RAI14: variants seen among roughly 807,000 people sequenced by gnomAD.
The protein encoded by RAI14 is ankycorbin.
Under a neutral mutation model 115.4 loss-of-function variants are expected in RAI14, and 45 were observed. The observed-to-expected ratio is 0.39, with a 90% CI of 0.31 to 0.50. The LOEUF is 0.50. RAI14 is among the 20% of genes least tolerant of loss of function. RAI14 has a pLI of 0.85. For synonymous variants in RAI14, 371 were observed against 415.4 expected (o/e 0.89, Z 1.30); for missense variants, 939 against 1,131.2 (o/e 0.83, Z 2.44).
chr5:34,811,152 C>T (rs1755537999), intron 8 of RAI14, 34 bp downstream of exon 8: 2 of 1,590,188 alleles, frequency 1.3e-6, no homozygotes, highest in South Asian at 2.2e-5. Flanking sequence ...CATGTGACTT[C>T]AGTGATACCC....
intron 3 of RAI14, among the ~76,000 whole-genome samples, chr5:34,769,285 A>G (rs1227596416): frequency 6.6e-6 from 1 of 152,094 alleles, no homozygotes; most frequent in Non-Finnish European, 1.5e-5. Context: ...TTTTGAAATC[A>G]CTGAAAGCCG....
intron 2 of RAI14, among the ~76,000 whole-genome samples, chr5:34,697,206 G>T (rs1320253958): frequency 1.3e-5 from 2 of 152,094 alleles, no homozygotes; most frequent in African/African-American, 4.8e-5. Context: ...GGAGGCCGAG[G>T]TGGGTGGATC....
chr5:34,715,142 G>A (rs1425322405), intron 2 of RAI14, among the ~76,000 whole-genome samples: 1 of 152,158 alleles, frequency 6.6e-6, no homozygotes, highest in Non-Finnish European at 1.5e-5. Flanking sequence ...GCGTGTGAGG[G>A]GGTTTGGGGC....
At chr5:34,662,474 A>G (rs1742765613) in intron 1 of RAI14, among the ~76,000 whole-genome samples, 1 of 152,172 alleles carries the variant, frequency 6.6e-6, no homozygotes, top group South Asian at 2.1e-4. Context: ...TTATATGGTG[A>G]TAGGGAAAAG....
At chr5:34,664,586 G>C (rs1045226470) in intron 1 of RAI14, among the ~76,000 whole-genome samples, 1 of 151,818 alleles carries the variant, frequency 6.6e-6, no homozygotes, top group Non-Finnish European at 1.5e-5. Context: ...GTTTTCTTAT[G>C]ATCTAGATAA....
At chr5:34,762,388 G>A (rs1050160189) in intron 3 of RAI14, among the ~76,000 whole-genome samples, 1 of 152,138 alleles carries the variant, frequency 6.6e-6, no homozygotes, top group Non-Finnish European at 1.5e-5. Context: ...TTCTCCAGAA[G>A]CCTCCATAAC....
chr5:34,708,219 T>TTTA (rs1740950994), intron 2 of RAI14, among the ~76,000 whole-genome samples: 2 of 151,798 alleles, frequency 1.3e-5, no homozygotes, highest in Admixed American at 6.6e-5. Context: ...TTTTTTTTTT[T>TTTA]GAGACCGAGT....
chr5:34,746,126 G>A (rs1746186542), intron 2 of RAI14, among the ~76,000 whole-genome samples: 1 of 70,284 alleles, frequency 1.4e-5, no homozygotes, highest in South Asian at 4.8e-4. Context: ...GTTTTTTTGA[G>A]ATGGAATCTC....
At chr5:34,798,326 A>C (rs1027184225) in intron 4 of RAI14, among the ~76,000 whole-genome samples, 16 of 147,782 alleles carry the variant, frequency 1.1e-4, no homozygotes, top group Admixed American at 2.0e-4. Context: ...GGCGTGAGCC[A>C]CCAAGCCCGG....
chr5:34,776,124 G>A (rs552946205), intron 3 of RAI14, among the ~76,000 whole-genome samples: 1 of 152,146 alleles, frequency 6.6e-6, no homozygotes, highest in Non-Finnish European at 1.5e-5. Context: ...TTGCAACAAC[G>A]TGGTTGGAAC....
At chr5:34,744,405 G>T (rs377501881) in intron 2 of RAI14, among the ~76,000 whole-genome samples, 1 of 152,038 alleles carries the variant, frequency 6.6e-6, no homozygotes, top group African/African-American at 2.4e-5. Context: ...TTTTCTTTAG[G>T]TGTGGTTCCT....
intron 2 of RAI14, among the ~76,000 whole-genome samples, chr5:34,691,894 T>C (rs1281217023): frequency 2.0e-5 from 3 of 152,102 alleles, no homozygotes; most frequent in Non-Finnish European, 2.9e-5. Flanking sequence ...GCCAAGGAAA[T>C]GCACACACCC....
At chr5:34,750,462 G>A (rs1031479404) in intron 2 of RAI14, among the ~76,000 whole-genome samples, 9 of 152,046 alleles carry the variant, frequency 5.9e-5, no homozygotes, top group South Asian at 4.2e-4. Flanking sequence ...AGATTTTGGC[G>A]CCACTCTGCC....
At chr5:34,804,227 G>A (rs886687054) in intron 5 of RAI14, among the ~76,000 whole-genome samples, 1 of 152,238 alleles carries the variant, frequency 6.6e-6, no homozygotes, top group Admixed American at 6.5e-5. Flanking sequence ...TATGTAACTT[G>A]ATGAGCTTCA....
chr5:34,709,922 A>G (rs761528240), intron 2 of RAI14, among the ~76,000 whole-genome samples: 1 of 152,216 alleles, frequency 6.6e-6, no homozygotes, highest in Non-Finnish European at 1.5e-5. Context: ...TTTTCAAACC[A>G]TCCCGAAGAA....
chr5:34,724,383 C>G (rs1398337474), intron 2 of RAI14, among the ~76,000 whole-genome samples: 2 of 152,066 alleles, frequency 1.3e-5, no homozygotes, highest in Non-Finnish European at 2.9e-5. Flanking sequence ...CCATTTCTAT[C>G]CAGATAATGA....
chr5:34,773,850 C>T (rs535972688), intron 3 of RAI14, among the ~76,000 whole-genome samples: 18 of 152,246 alleles, frequency 1.2e-4, no homozygotes, highest in Non-Finnish European at 2.4e-4. Context: ...GGAGCTTCCT[C>T]AAAAAATTAG....
At chr5:34,784,197 G>A (rs1240190864) in intron 3 of RAI14, among the ~76,000 whole-genome samples, 2 of 152,186 alleles carry the variant, frequency 1.3e-5, no homozygotes, top group Non-Finnish European at 2.9e-5. Flanking sequence ...CATATTAAAA[G>A]CAGTCAATAC....
At chr5:34,730,667 C>A (rs982292044) in intron 2 of RAI14, among the ~76,000 whole-genome samples, 5 of 151,846 alleles carry the variant, frequency 3.3e-5, no homozygotes, top group Admixed American at 2.6e-4. Context: ...CAAACTGAGA[C>A]CCTGTCTCGA....
Sources: gnomAD v4.1 joint callset for allele counts (sites outside exome capture counted in the v4.1 genomes callset) on GRCh38, gnomAD v4.1.1 for gene constraint, MANE v1.5 for transcripts, NCBI Gene and HGNC (gene_info 2026-07-23, HGNC 2026-07-21) for gene names.